Variants in SLC35F4 observed in about 807,000 individuals in gnomAD.
The protein encoded by SLC35F4 is solute carrier family 35 member F4.
Under a neutral mutation model 44.2 loss-of-function variants are expected in SLC35F4, and 24 were observed. That is an observed-to-expected ratio of 0.54 (90% CI 0.39 to 0.76). The LOEUF is 0.76. SLC35F4 is among the 30% of genes least tolerant of loss of function. SLC35F4 has a pLI of 0.00. For missense variants in SLC35F4, 562 were observed against 586.1 expected, an observed-to-expected ratio of 0.96 and a Z score of 0.42; for synonymous variants, 238 against 223.6, an observed-to-expected ratio of 1.06 and a Z score of -0.57.
chr14:57,944,432 A>T (rs1566508499), intron 1 of SLC35F4, among the ~76,000 whole-genome samples: 1 of 152,128 alleles, frequency 6.6e-6, no homozygotes, highest in Non-Finnish European at 1.5e-5. Context: ...GTTTCCTAAC[A>T]AAAAAGAGCA....
intron 1 of SLC35F4, among the ~76,000 whole-genome samples, chr14:57,842,155 A>AT (rs1052292309): frequency 2.6e-5 from 4 of 152,242 alleles, no homozygotes; most frequent in African/African-American, 9.6e-5. Context: ...TAGTAAACAA[A>AT]TAACATGGCT....
downstream of SLC35F4, among the ~76,000 whole-genome samples, chr14:57,973,217 T>A (rs1881104201): frequency 6.6e-6 from 1 of 152,182 alleles, no homozygotes; most frequent in South Asian, 2.1e-4. Flanking sequence ...GATACTTTCT[T>A]TTTCAGCTAC....
At chr14:57,633,790 T>C (rs1448975024) in intron 1 of SLC35F4, among the ~76,000 whole-genome samples, 1 of 152,122 alleles carries the variant, frequency 6.6e-6, no homozygotes, top group Non-Finnish European at 1.5e-5. Context: ...ATATAACATT[T>C]TGAGGCTGGC....
chr14:57,679,206 CAG>C (rs1170022864), intron 1 of SLC35F4, among the ~76,000 whole-genome samples: 2 of 152,066 alleles, frequency 1.3e-5, no homozygotes, highest in African/African-American at 4.8e-5. Flanking sequence ...AATTAGAACT[CAG>C]TATTAAGAAA....
chr14:57,727,362 T>C (rs556798502), intron 1 of SLC35F4, among the ~76,000 whole-genome samples: 2 of 152,166 alleles, frequency 1.3e-5, no homozygotes, highest in South Asian at 4.1e-4. Context: ...CCAGTTTATG[T>C]TTTGTTGATC....
chr14:57,838,063 G>C (rs60277808), intron 1 of SLC35F4, among the ~76,000 whole-genome samples: 33,583 of 152,048 alleles, frequency 0.22, 6,613 homozygotes, highest in African/African-American at 0.51. Flanking sequence ...GCTTAATGCC[G>C]GTGATACTAA....
intron 1 of SLC35F4, among the ~76,000 whole-genome samples, chr14:57,925,572 A>C (rs1889553440): frequency 6.7e-6 from 1 of 149,130 alleles, no homozygotes; most frequent in African/African-American, 2.5e-5. Flanking sequence ...GATGACAGGC[A>C]GGAGAGTCCT....
intron 1 of SLC35F4, among the ~76,000 whole-genome samples, chr14:57,909,183 T>G (rs942497338): frequency 6.6e-6 from 1 of 152,158 alleles, no homozygotes; most frequent in Admixed American, 6.6e-5. Flanking sequence ...AGAGAATTCC[T>G]GCACACCATC....
Position 57,846,444 on chromosome 14 carries a change from C to A in SLC35F4, c.103+19279G>T, listed in dbSNP as rs753655093. 3.3e-5 allele frequency among the ~76,000 whole-genome samples: 5 copies of A among 152,282 alleles called. 1 individual carries two copies. Among genetic ancestry groups the A allele is most frequent in the African/African-American group, 1.2e-4 (5 of 41,560 alleles). ...AAACAAACCAGGCAGCCTCCATAGG[C>A]CCCTGAATGAAATAACAGTCGTTTT... On this transcript the variant is annotated intron_variant, in intron 1 of 7. Coordinates refer to ENST00000556826, the MANE Select transcript of SLC35F4 (RefSeq NM_001306087.2).
Position 57,962,289 on chromosome 14 carries a change from G to A in SLC35F4, n.282+19624C>T, listed in dbSNP as rs559941389. Among the ~76,000 whole-genome samples, 3 of 152,254 alleles carry A rather than the reference G, an allele frequency of 2.0e-5. No individual in the cohort carries two copies. In the South Asian group the frequency reaches 6.2e-4, roughly 32 times the overall value. Reference sequence around the variant, plus strand: ...GATTAAAGAGATTAGAGTTCTGGGTGGTCTGTTGGAAAGGCAGTGAAAAAC... The same window carrying A: ...GATTAAAGAGATTAGAGTTCTGGGTAGTCTGTTGGAAAGGCAGTGAAAAAC... On this transcript the variant is annotated intron_variant and non_coding_transcript_variant, in intron 1 of 1. Transcript: ENST00000556568.
intron 1 of SLC35F4, among the ~76,000 whole-genome samples, chr14:57,810,775 G>A (rs571270478): frequency 4.1e-4 from 63 of 152,298 alleles, no homozygotes; most frequent in African/African-American, 1.3e-3. Context: ...ACAAGTCTTA[G>A]CTAGTCTCAA....
At chr14:57,773,647 A>C (rs112989718) in intron 1 of SLC35F4, among the ~76,000 whole-genome samples, 59 of 135,408 alleles carry the variant, frequency 4.4e-4, no homozygotes, top group Middle Eastern at 7.2e-3. Context: ...TTAAAAGCAG[A>C]AAATAGACAA....
At chr14:57,794,126 A>T (rs2077996708) in intron 1 of SLC35F4, among the ~76,000 whole-genome samples, 1 of 152,276 alleles carries the variant, frequency 6.6e-6, no homozygotes, top group African/African-American at 2.4e-5. Flanking sequence ...ACCTAGGGAA[A>T]ACTCTTCTGG....
At chr14:57,566,643 A>G (rs891270652) in intron 6 of SLC35F4, 79 bp from the exon 7 acceptor site, 3 of 1,371,850 alleles carry the variant, frequency 2.2e-6, no homozygotes, top group African/African-American at 2.9e-5. Flanking sequence ...AAATGAATCA[A>G]TGTCTTTGCT....
intron 1 of SLC35F4, among the ~76,000 whole-genome samples, chr14:57,964,485 A>G (rs1422055627): frequency 1.3e-5 from 2 of 152,246 alleles, no homozygotes; most frequent in Non-Finnish European, 2.9e-5. Context: ...AAGTCTAAAA[A>G]TATGGAACCT....
intron 1 of SLC35F4, among the ~76,000 whole-genome samples, chr14:57,923,237 T>C (rs775618573): frequency 3.3e-5 from 5 of 152,218 alleles, no homozygotes; most frequent in African/African-American, 4.8e-5. Flanking sequence ...GGAGCCTGTA[T>C]GAGATTGATT....
At chr14:57,982,653 A>G (rs1031871279), upstream of SLC35F4, among the ~76,000 whole-genome samples, 5 of 152,190 alleles carry the variant, frequency 3.3e-5, no homozygotes, top group African/African-American at 1.2e-4. Flanking sequence ...GACAGGTGCT[A>G]TGGTCCTGGT....
At chr14:57,606,813 C>T (rs929868205) in intron 1 of SLC35F4, among the ~76,000 whole-genome samples, 4 of 152,270 alleles carry the variant, frequency 2.6e-5, no homozygotes, top group Admixed American at 6.5e-5. Flanking sequence ...GATTTGACAA[C>T]GCATTAATAA....
At chr14:57,898,427 C>A (rs1252465400) in intron 1 of SLC35F4, among the ~76,000 whole-genome samples, 1 of 152,106 alleles carries the variant, frequency 6.6e-6, no homozygotes, top group East Asian at 1.9e-4. Flanking sequence ...TGTTTTATTA[C>A]CTTGGAAATA....
Sources: gnomAD v4.1 joint callset for allele counts (sites outside exome capture counted in the v4.1 genomes callset) on GRCh38, gnomAD v4.1.1 for gene constraint, MANE v1.5 for transcripts, NCBI Gene and HGNC (gene_info 2026-07-23, HGNC 2026-07-21) for gene names.